ANO2: variants seen among roughly 807,000 people sequenced by gnomAD.
The protein encoded by ANO2 is anoctamin-2.
Under a neutral mutation model 124.2 loss-of-function variants are expected in ANO2, and 101 were observed. That is an observed-to-expected ratio of 0.81 (90% confidence interval 0.69 to 0.96). ANO2 has a LOEUF of 0.96. Ranked by LOEUF, ANO2 falls within the 40% of genes least tolerant of loss-of-function variation. The pLI, the probability that ANO2 is intolerant of heterozygous loss-of-function variation, is 0.00. For synonymous variants in ANO2, 486 were observed against 482.5 expected (o/e 1.01, Z -0.09); for missense variants, 1,293 against 1,274.5 (o/e 1.01, Z -0.22).
rs144079300 is a variant in ANO2 at position 5,590,358 on chromosome 12, A to C, written c.2233+9126T>G. 2.5e-3 allele frequency among the ~76,000 whole-genome samples: 378 copies of C among 152,312 alleles called. 1 individual carries two copies. The highest frequency in any genetic ancestry group is 4.7e-3 in the Non-Finnish European group (321 of 68,026). On this transcript the variant is annotated intron_variant, in intron 20 of 24. Transcript: ENST00000682330. ...GAAAGATCGTCGACACAGCAAGCCT[A>C]CTGGATGGGAGGCACATGGAGACGG...
At chr12:5,822,113 A>C (rs1322500254) in intron 7 of ANO2, among the ~76,000 whole-genome samples, 1 of 152,166 alleles carries the variant, frequency 6.6e-6, no homozygotes, top group Admixed American at 6.5e-5. Context: ...AGTGAAGGGA[A>C]ATCTTCCCAG....
chr12:5,816,824 A>C (rs557289076), intron 7 of ANO2, among the ~76,000 whole-genome samples: 1 of 152,242 alleles, frequency 6.6e-6, no homozygotes, highest in East Asian at 1.9e-4. Context: ...CACCTACCAC[A>C]TTGCCTCATC....
At chr12:5,637,684 C>T (rs1946095370) in intron 15 of ANO2, among the ~76,000 whole-genome samples, 1 of 152,168 alleles carries the variant, frequency 6.6e-6, no homozygotes, top group Non-Finnish European at 1.5e-5. Flanking sequence ...CACTGTTCTC[C>T]TTATCTAGAA....
In ANO2 at chr12:5,656,654, ATAGC is replaced by A. The variant is rs375363433; in HGVS notation, c.1546-8857_1546-8854del. On this transcript the variant is annotated intron_variant, in intron 14 of 24. Transcript: ENST00000682330. ...TCAGTTCCAGGAGAGCAGAGGCCAT[ATAGC>A]TGGTGTCTAACCATAGTGTCAGATA... Among the ~76,000 whole-genome samples, 1,408 of 152,298 alleles carry A rather than the reference ATAGC, an allele frequency of 9.2e-3. 16 individuals are homozygous for A. The highest frequency in any genetic ancestry group is 0.028 in the South Asian group (136 of 4,816).
chr12:5,751,907 C>T (rs1280534116), intron 10 of ANO2, among the ~76,000 whole-genome samples: 1 of 152,128 alleles, frequency 6.6e-6, no homozygotes, highest in East Asian at 1.9e-4. Flanking sequence ...CCCCTGTTAA[C>T]CACTATTCTA....
At chr12:5,884,771 C>A (rs998344561) in intron 3 of ANO2, among the ~76,000 whole-genome samples, 1 of 152,158 alleles carries the variant, frequency 6.6e-6, no homozygotes, top group Non-Finnish European at 1.5e-5. Flanking sequence ...AGAAAATGGA[C>A]CAAACAAAAG....
At chr12:5,800,846 A>C (rs974629319) in intron 9 of ANO2, among the ~76,000 whole-genome samples, 3 of 152,162 alleles carry the variant, frequency 2.0e-5, no homozygotes, top group African/African-American at 7.2e-5. Context: ...AGAGGAGGCA[A>C]TTTGTAAAGT....
chr12:5,585,004 T>C (rs74056017), intron 20 of ANO2, among the ~76,000 whole-genome samples: 1 of 152,122 alleles, frequency 6.6e-6, no homozygotes, highest in African/African-American at 2.4e-5. Context: ...GAATATGCTG[T>C]GGGGAAGATG....
intron 14 of ANO2, among the ~76,000 whole-genome samples, chr12:5,699,452 T>A (rs543067974): frequency 6.6e-6 from 1 of 151,900 alleles, no homozygotes; most frequent in East Asian, 1.9e-4. Context: ...GCACTAAACA[T>A]GGAAAGGAAC....
At position 5,588,894 on chromosome 12, in the gene ANO2, G is replaced by A. The variant is rs193262664; in HGVS notation, c.2234-10376C>T. Among the ~76,000 whole-genome samples, 47 of 152,204 alleles carry A rather than the reference G, an allele frequency of 3.1e-4. No individual in the cohort carries two copies. The South Asian group carries it at 5.0e-3, about 16-fold the overall frequency. On this transcript the variant is annotated intron_variant, in intron 20 of 24. Coordinates refer to ENST00000682330, the MANE Select transcript of ANO2 (RefSeq NM_001364791.2). ...AGGGAAGCCAGGGAAATTATACGACGCCATGCCCTAGGCCACACTGCTAGA... is the reference window on the plus strand; with the variant it reads ...AGGGAAGCCAGGGAAATTATACGACACCATGCCCTAGGCCACACTGCTAGA...
intron 16 of ANO2, among the ~76,000 whole-genome samples, chr12:5,630,724 T>C (rs1945675109): frequency 6.6e-6 from 1 of 152,240 alleles, no homozygotes; most frequent in Non-Finnish European, 1.5e-5. Flanking sequence ...AGATCTGCCA[T>C]GGGCCAGGCA....
chr12:5,737,295 C>T (rs918388506), intron 13 of ANO2, among the ~76,000 whole-genome samples: 1 of 152,220 alleles, frequency 6.6e-6, no homozygotes, highest in Non-Finnish European at 1.5e-5. Flanking sequence ...TTGGCCAGGC[C>T]CCTCTCAGCC....
intron 14 of ANO2, among the ~76,000 whole-genome samples, chr12:5,708,264 A>G (rs1447446370): frequency 1.3e-5 from 2 of 152,212 alleles, no homozygotes; most frequent in Admixed American, 6.5e-5. Context: ...GTCTCTGAAT[A>G]TGGTGTTATA....
intron 14 of ANO2, among the ~76,000 whole-genome samples, chr12:5,720,290 CA>C (rs909518916): frequency 1.3e-5 from 2 of 152,130 alleles, no homozygotes; most frequent in Non-Finnish European, 2.9e-5. Flanking sequence ...ACCATCATAT[CA>C]AAAGAATCGC....
intron 14 of ANO2, among the ~76,000 whole-genome samples, chr12:5,691,422 A>C (rs572217617): frequency 1.3e-5 from 2 of 152,286 alleles, no homozygotes; most frequent in African/African-American, 4.8e-5. Context: ...AGGTGGAATA[A>C]AGCAAATTCC....
chr12:5,751,470 A>G (rs549194305), intron 10 of ANO2, among the ~76,000 whole-genome samples: 12 of 152,200 alleles, frequency 7.9e-5, no homozygotes, highest in Non-Finnish European at 1.6e-4. Context: ...AAGAAATCCA[A>G]TAAAATATTA....
At chr12:5,587,938 C>T (rs1157685472) in intron 20 of ANO2, among the ~76,000 whole-genome samples, 1 of 152,188 alleles carries the variant, frequency 6.6e-6, no homozygotes, top group Non-Finnish European at 1.5e-5. Flanking sequence ...TAATACATCT[C>T]CCCCTGCTGC....
chr12:5,603,570 C>A (rs1944046424), intron 19 of ANO2, among the ~76,000 whole-genome samples: 1 of 152,086 alleles, frequency 6.6e-6, no homozygotes, highest in Non-Finnish European at 1.5e-5. Context: ...GTTATTTATG[C>A]AACAGCCTAA....
At chr12:5,853,126 T>A (rs1016197530) in intron 4 of ANO2, among the ~76,000 whole-genome samples, 7 of 151,700 alleles carry the variant, frequency 4.6e-5, no homozygotes, top group African/African-American at 1.7e-4. Context: ...CTAGATTTTG[T>A]TATGCAAGGA....
Sources: allele counts gnomAD v4.1 joint callset (sites outside exome capture counted in the v4.1 genomes callset), GRCh38; gene constraint gnomAD v4.1.1; transcripts MANE v1.5; gene names NCBI Gene and HGNC (gene_info 2026-07-23, HGNC 2026-07-21).